RCBTB2: variants seen among roughly 807,000 people sequenced by gnomAD.
RCBTB2 encodes the protein RCC1 and BTB domain-containing protein 2.
Under a neutral mutation model 65.4 loss-of-function variants are expected in RCBTB2, and 55 were observed. That is an observed-to-expected ratio of 0.84 (90% CI 0.68 to 1.05). The LOEUF (loss-of-function observed/expected upper bound fraction) is 1.05, where lower values mean the gene tolerates loss of function less well. Ranked by LOEUF, RCBTB2 falls within the 50% of genes least tolerant of loss-of-function variation. The pLI, the probability that RCBTB2 is intolerant of heterozygous loss-of-function variation, is 0.00. For missense variants in RCBTB2, 599 were observed against 680.1 expected, an observed-to-expected ratio of 0.88 and a Z score of 1.33; for synonymous variants, 220 against 255.2, an observed-to-expected ratio of 0.86 and a Z score of 1.31.
In RCBTB2 at chr13:48,496,242, G is replaced by A. The variant is rs988359019; in HGVS notation, c.1464C>T (p.Cys488=). The change falls in exon 14 of 15, where the codon TGC becomes TGT. Residue 488 remains cysteine (C), a synonymous_variant. Coordinates refer to ENST00000344532, the MANE Select transcript of RCBTB2 (RefSeq NM_001268.4). ...AGAGCAGAGCGATGGCATTCTCCTC[G>A]CAGATGCCTTGCTTGATAGTTTGTT... The part of the protein sequence containing the change: ...LCQQTIKQGI[C]EENAIALLSA... 3.1e-6 allele frequency: 5 copies of A among 1,590,674 alleles called. No individual in the cohort carries two copies. Among genetic ancestry groups the A allele is most frequent in the East Asian group, 2.3e-5 (1 of 43,410 alleles).
At position 48,489,666 on chromosome 13, in the gene RCBTB2, GATTTATAATAA is replaced by G; in HGVS notation, c.*434_*444del. 6.3e-6 allele frequency: 1 copy of G among 157,520 alleles called. No homozygotes were observed. The highest frequency in any genetic ancestry group is 1.9e-4 in the South Asian group (1 of 5,352). 9.8% of individuals were successfully genotyped at this position (157,520 alleles called of 1,614,324 possible). ...AAAGCTGTTCTCAGGACATACTGAA[GATTTATAATAA>G]ATTGAGTGCCTATTATACACAAGGC... On this transcript the variant is annotated 3_prime_UTR_variant, in exon 15 of 15. Coordinates refer to ENST00000344532, the MANE Select transcript of RCBTB2 (RefSeq NM_001268.4).
chr13:48,499,490 T>C lies in RCBTB2; in HGVS notation c.1384+131A>G, dbSNP rs1239354959. 9.8e-6 allele frequency: 9 copies of C among 917,268 alleles called. No individual in the cohort carries two copies. The Admixed American group carries it at 2.0e-4, about 20-fold the overall frequency. 56.8% of individuals were successfully genotyped at this position (917,268 alleles called of 1,614,324 possible). On this transcript the variant is annotated intron_variant, in intron 13 of 14. Transcript: ENST00000344532. ...TAAAGTAGTAACAAGGGAAACGTGT[T>C]TGGATTCAACACACACAAAAAGAAA...
chr13:48,520,809 G>T (rs1185908600), intron 4 of RCBTB2, among the ~76,000 whole-genome samples: 1 of 151,406 alleles, frequency 6.6e-6, no homozygotes, highest in Non-Finnish European at 1.5e-5. Flanking sequence ...TATTTAAAGA[G>T]AATCAAAATT....
intron 4 of RCBTB2, among the ~76,000 whole-genome samples, chr13:48,518,469 A>AT (rs1566314346): frequency 1.0e-4 from 14 of 135,596 alleles, no homozygotes; most frequent in East Asian, 4.1e-4. Flanking sequence ...AAAAAAAAAA[A>AT]AAAATATATA....
At position 48,489,884 on chromosome 13, in the gene RCBTB2, A is replaced by G. The variant is rs1157672472; in HGVS notation, c.*227T>C. ...AGGAAATGGTAAATAAGATATTTCA[A>G]TTTTTTTTCCTTGACCTTAGTCACA... On this transcript the variant is annotated 3_prime_UTR_variant, in exon 15 of 15. Coordinates refer to ENST00000344532, the MANE Select transcript of RCBTB2 (RefSeq NM_001268.4). 1.3e-5 allele frequency: 7 copies of G among 547,130 alleles called. No homozygotes were observed. In the East Asian group the frequency reaches 1.6e-4, roughly 12 times the overall value. 33.9% of individuals were successfully genotyped at this position (547,130 alleles called of 1,614,324 possible). A position where few individuals can be genotyped will look rare whatever the true frequency, so the allele number is the denominator to read the frequency against.
chr13:48,521,750 T>C lies in RCBTB2; in HGVS notation c.42+148A>G, dbSNP rs1325072690. The stretch of plus-strand genomic sequence containing the variant: ...GCATTCTCCATACCCACAACGATTA[T>C]CTGTTGGCATCTCAGTGATTACACT... On this transcript the variant is annotated intron_variant, in intron 4 of 14. Transcript: ENST00000344532. The C allele has an allele frequency of 4.2e-5, 31 of 730,070 alleles. No homozygotes were observed. In the East Asian group the frequency reaches 7.8e-4, roughly 18 times the overall value. The allele number at this position is 730,070 out of a possible 1,614,324, so 45.2% of individuals were successfully genotyped here.
At chr13:48,509,421 A>C (rs1950667628) in intron 10 of RCBTB2, among the ~76,000 whole-genome samples, 1 of 152,142 alleles carries the variant, frequency 6.6e-6, no homozygotes, top group South Asian at 2.1e-4. Flanking sequence ...TTTCAGTTTA[A>C]ATGTTAAGTG....
Position 48,496,209 on chromosome 13 carries a change from C to G in RCBTB2, c.1497G>C (p.Ala499=). The change falls in exon 14 of 15, where the codon GCG becomes GCC. Residue 499 remains alanine, a synonymous_variant. Transcript: ENST00000344532. ...TCCTTACCTGTGCATCATACTTCAC[C>G]GCAGCCGAGAGCAGAGCGATGGCAT... The part of the protein sequence containing the change: ...EENAIALLSA[A]VKYDAQDLEE... 6.5e-7 allele frequency: 1 copy of G among 1,537,140 alleles called. No homozygotes were observed. The highest frequency in any genetic ancestry group is 8.8e-7 in the Non-Finnish European group (1 of 1,139,018).
chr13:48,533,249 C>T (rs1952286060), upstream of RCBTB2: 1 of 305,880 alleles, frequency 3.3e-6, no homozygotes, highest in South Asian at 2.3e-5. Context: ...GGCTGCCCAC[C>T]GCCGCCCCTC....
intron 4 of RCBTB2, among the ~76,000 whole-genome samples, chr13:48,518,389 T>C (rs1951212053): frequency 6.6e-6 from 1 of 150,774 alleles, no homozygotes; most frequent in South Asian, 2.1e-4. Flanking sequence ...CACCAACAGT[T>C]GGTTCTCCCA....
chr13:48,509,429 G>A (rs1192353988), intron 10 of RCBTB2, among the ~76,000 whole-genome samples: 1 of 152,104 alleles, frequency 6.6e-6, no homozygotes, highest in Non-Finnish European at 1.5e-5. Context: ...TAAATGTTAA[G>A]TGTCCCTACC....
chr13:48,496,472 T>TGAAGTG, intron 13 of RCBTB2, 151 bp from the exon 14 acceptor site: 2 of 692,832 alleles, frequency 2.9e-6, no homozygotes, highest in Non-Finnish European at 4.2e-6. Flanking sequence ...ACACTTACAC[T>TGAAGTG]TCAGTGTGGG....
intron 4 of RCBTB2, among the ~76,000 whole-genome samples, 197 bp downstream of exon 4, chr13:48,521,701 A>G (rs942495435): frequency 2.0e-5 from 3 of 152,202 alleles, no homozygotes; most frequent in Non-Finnish European, 4.4e-5. Context: ...CCTGAGGTAT[A>G]TCAGTTTCCT....
chr13:48,531,705 T>G (rs539686669), intron 1 of RCBTB2, among the ~76,000 whole-genome samples: 30 of 152,374 alleles, frequency 2.0e-4, no homozygotes, highest in African/African-American at 5.8e-4. Flanking sequence ...ACGCATGTAC[T>G]GTCTAGCAGG....
At chr13:48,502,947 G>C (rs1950312023) in intron 10 of RCBTB2, 33 bp from the exon 11 acceptor site, 1 of 1,509,418 alleles carries the variant, frequency 6.6e-7, no homozygotes, top group South Asian at 1.2e-5. Flanking sequence ...CATAAGCACA[G>C]TGACCGGGGC....
intron 1 of RCBTB2, among the ~76,000 whole-genome samples, chr13:48,527,777 C>G (rs1951888472): frequency 6.6e-6 from 1 of 152,066 alleles, no homozygotes; most frequent in Admixed American, 6.6e-5. Flanking sequence ...TCTATATATT[C>G]TATGTTGAGA....
chr13:48,532,590 G>A (rs1010621154), intron 1 of RCBTB2: 1 of 183,288 alleles, frequency 5.5e-6, no homozygotes, highest in Non-Finnish European at 1.2e-5. Flanking sequence ...CACACCAGAC[G>A]TGGGAGCTTA....
At chr13:48,501,190 C>T (rs1297548542) in intron 12 of RCBTB2, among the ~76,000 whole-genome samples, 2 of 152,122 alleles carry the variant, frequency 1.3e-5, no homozygotes, top group African/African-American at 2.4e-5. Flanking sequence ...GTTTCACAGG[C>T]GTAGACATGT....
intron 13 of RCBTB2, 40 bp from the exon 14 acceptor site, chr13:48,496,361 G>C: frequency 2.7e-6 from 4 of 1,491,184 alleles, no homozygotes; most frequent in Non-Finnish European, 3.6e-6. Flanking sequence ...GTGATTTCAA[G>C]CATCCTGATT....
Sources: allele counts gnomAD v4.1 joint callset (sites outside exome capture counted in the v4.1 genomes callset), GRCh38; gene constraint gnomAD v4.1.1; transcripts MANE v1.5; gene names NCBI Gene and HGNC (gene_info 2026-07-23, HGNC 2026-07-21).